Variants in MGST1 observed in about 807,000 individuals in gnomAD.
MGST1 encodes glutathione S-transferase 12.
Under a neutral mutation model 8.9 loss-of-function variants are expected in MGST1, and 5 were observed. That is an observed-to-expected ratio of 0.56 (90% CI 0.29 to 1.19). MGST1 has a LOEUF of 1.19. Ranked by LOEUF, MGST1 falls within the 50% of genes most tolerant of loss-of-function variation. The probability of loss-of-function intolerance (pLI) is 0.08; values close to 1 mark genes in which losing one functional copy is unlikely to be tolerated. For missense variants in MGST1, 182 were observed against 187.4 expected (o/e 0.97, Z 0.17); for synonymous variants, 54 against 67.8 (o/e 0.80, Z 1.00).
intron 1 of MGST1, among the ~76,000 whole-genome samples, chr12:16,422,071 A>G (rs1217192210): frequency 6.6e-6 from 1 of 152,136 alleles, no homozygotes; most frequent in African/African-American, 2.4e-5. Context: ...TTCCACCATC[A>G]TAGATACTCC....
intron 3 of MGST1, among the ~76,000 whole-genome samples, chr12:16,373,009 TATC>T (rs934145004): frequency 3.1e-5 from 4 of 130,044 alleles, no homozygotes; most frequent in Non-Finnish European, 6.7e-5. Context: ...TATACTATAT[TATC>T]ATATACTATA....
chr12:16,497,332 G>A lies in MGST1; in HGVS notation n.483-92196G>A, dbSNP rs1360143462. On this transcript the variant is annotated intron_variant and non_coding_transcript_variant, in intron 4 of 4. Coordinates refer to the MGST1 transcript ENST00000538857. This position sits in a 1 kb window ranked among gnomAD's most constrained non-coding sequence, Gnocchi z 4.4. ...TAGTTCTTTTTAATCATGGAAATGA[G>A]GTAGTGTTAATCAAGCAAAAACAAG... Among the ~76,000 whole-genome samples, 1 of 152,082 alleles carries A rather than the reference G, an allele frequency of 6.6e-6. No homozygotes were observed. The highest frequency in any genetic ancestry group is 2.4e-5 in the African/African-American group (1 of 41,428).
intron 1 of MGST1, among the ~76,000 whole-genome samples, chr12:16,397,557 A>G (rs1940615366): frequency 6.6e-6 from 1 of 152,096 alleles, no homozygotes; most frequent in Admixed American, 6.6e-5. Context: ...CAGAGACTAC[A>G]AGGAACTCAA....
At chr12:16,526,208 A>T (rs1941686252) in intron 4 of MGST1, among the ~76,000 whole-genome samples, 1 of 151,466 alleles carries the variant, frequency 6.6e-6, no homozygotes. Flanking sequence ...TTTAGACATG[A>T]AGTCCTTGCC....
At chr12:16,399,497 C>T in intron 1 of MGST1, 16 of 1,562,232 alleles carry the variant, frequency 1.0e-5, no homozygotes, top group Non-Finnish European at 1.4e-5. Flanking sequence ...TACCCAACGA[C>T]TCCTTAGAAG....
intron 4 of MGST1, among the ~76,000 whole-genome samples, chr12:16,523,748 CTT>C (rs1374460316): frequency 1.3e-5 from 2 of 152,026 alleles, no homozygotes; most frequent in Non-Finnish European, 2.9e-5. Flanking sequence ...AGACTGGAAA[CTT>C]AGTTTTCAAG....
At chr12:16,478,750 CAA>C (rs1489795742) in intron 4 of MGST1, among the ~76,000 whole-genome samples, 1 of 151,842 alleles carries the variant, frequency 6.6e-6, no homozygotes, top group Admixed American at 6.6e-5. Flanking sequence ...CTCAAAAAAA[CAA>C]AATAATTAAA....
chr12:16,500,483 T>C lies in MGST1; in HGVS notation n.483-89045T>C, dbSNP rs1038619136. 6.6e-6 allele frequency among the ~76,000 whole-genome samples: 1 copy of C among 152,250 alleles called. No homozygotes were observed. Among genetic ancestry groups the C allele is most frequent in the Non-Finnish European group, 1.5e-5 (1 of 68,044 alleles). Reference sequence around the variant, plus strand: ...TTAGATTACATTACATTTACAGTTTTATTTCATTTTGTAAAGTTTCATTTC... The same window carrying C: ...TTAGATTACATTACATTTACAGTTTCATTTCATTTTGTAAAGTTTCATTTC... On this transcript the variant is annotated intron_variant and non_coding_transcript_variant, in intron 4 of 4. Coordinates refer to the MGST1 transcript ENST00000538857. This position sits in a 1 kb window ranked among gnomAD's most constrained non-coding sequence, Gnocchi z 4.3.
intron 4 of MGST1, among the ~76,000 whole-genome samples, chr12:16,580,120 A>C (rs1322822934): frequency 1.3e-5 from 2 of 152,194 alleles, no homozygotes; most frequent in Non-Finnish European, 2.9e-5. Flanking sequence ...AAAACAAAAT[A>C]TACACCTACG....
chr12:16,508,170 G>A (rs887259742), intron 4 of MGST1, among the ~76,000 whole-genome samples: 2 of 152,122 alleles, frequency 1.3e-5, no homozygotes, highest in African/African-American at 4.8e-5. Flanking sequence ...CCTATGAAGA[G>A]CTTCGTACTA....
chr12:16,368,314 G>T (rs1459269268), downstream of MGST1, among the ~76,000 whole-genome samples: 1 of 152,156 alleles, frequency 6.6e-6, no homozygotes, highest in Non-Finnish European at 1.5e-5. Context: ...TATAAATAAA[G>T]AAACCAAAAA....
At chr12:16,412,256 T>G (rs117172720) in intron 1 of MGST1, among the ~76,000 whole-genome samples, 3 of 152,092 alleles carry the variant, frequency 2.0e-5, no homozygotes, top group Admixed American at 2.0e-4. Flanking sequence ...ATCTGTAATG[T>G]AGAGGATGGT....
At chr12:16,385,100 A>AT (rs374980589) in intron 1 of MGST1, among the ~76,000 whole-genome samples, 217 of 152,346 alleles carry the variant, frequency 1.4e-3, no homozygotes, top group African/African-American at 4.9e-3. Context: ...ATGGATTTAG[A>AT]TAGGACAGAT....
intron 1 of MGST1, among the ~76,000 whole-genome samples, chr12:16,396,511 T>TG (rs1418053815): frequency 6.6e-6 from 1 of 152,146 alleles, no homozygotes; most frequent in Non-Finnish European, 1.5e-5. Context: ...TGTTTGCTGA[T>TG]GATATGATTG....
chr12:16,431,356 A>G (rs891301476), intron 1 of MGST1, among the ~76,000 whole-genome samples: 2 of 152,164 alleles, frequency 1.3e-5, no homozygotes, highest in African/African-American at 4.8e-5. Context: ...CCTGTTTGGC[A>G]TAAGAGGCCT....
chr12:16,588,414 C>T (rs1943389632), intron 4 of MGST1, among the ~76,000 whole-genome samples: 1 of 151,766 alleles, frequency 6.6e-6, no homozygotes, highest in Admixed American at 6.6e-5. Context: ...TAAAGAAAAC[C>T]TAAAACAACC....
chr12:16,568,087 A>G (rs1011126497), intron 4 of MGST1, among the ~76,000 whole-genome samples: 2 of 152,190 alleles, frequency 1.3e-5, no homozygotes, highest in Non-Finnish European at 2.9e-5. Context: ...AATAAAAAGG[A>G]ATACTAAAGG....
At chr12:16,384,714 A>G (rs1981747) in intron 1 of MGST1, among the ~76,000 whole-genome samples, 92,092 of 152,216 alleles carry the variant, frequency 0.61, 28,652 homozygotes, top group East Asian at 0.96. Flanking sequence ...TCCCAATCAC[A>G]GGGCACCTAA....
intron 1 of MGST1, among the ~76,000 whole-genome samples, chr12:16,432,399 G>A (rs1324024751): frequency 6.6e-6 from 1 of 151,900 alleles, no homozygotes; most frequent in East Asian, 1.9e-4. Flanking sequence ...ATTTGGAGTG[G>A]GGAGAATGAG....
Sources: allele counts gnomAD v4.1 joint callset (sites outside exome capture counted in the v4.1 genomes callset), GRCh38; gene constraint gnomAD v4.1.1; non-coding constraint Gnocchi (gnomAD v3.1); transcripts MANE v1.5; gene names NCBI Gene and HGNC (gene_info 2026-07-23, HGNC 2026-07-21).